Variants in ZNRF1 observed in about 807,000 individuals in gnomAD.
ZNRF1 encodes the protein E3 ubiquitin-protein ligase ZNRF1.
In ZNRF1, 3 loss-of-function variants were observed where a neutral mutation model predicts 18.4. That is an observed-to-expected ratio of 0.16 (90% CI 0.07 to 0.42). The LOEUF (loss-of-function observed/expected upper bound fraction) is 0.42, where lower values mean the gene tolerates loss of function less well. ZNRF1 is among the 10% of genes least tolerant of loss of function. The pLI is 0.99. For missense variants in ZNRF1, 310 were observed against 329.8 expected (o/e 0.94, Z 0.47); for synonymous variants, 157 against 144.2 (o/e 1.09, Z -0.64).
chr16:75,020,576 G>A (rs780646483), intron 1 of ZNRF1, among the ~76,000 whole-genome samples: 2 of 150,708 alleles, frequency 1.3e-5, no homozygotes, highest in African/African-American at 4.9e-5. Context: ...GAGTCTCGCT[G>A]TGTCACCCAG....
At chr16:75,088,380 A>G (rs1040997675) in intron 1 of ZNRF1, among the ~76,000 whole-genome samples, 2 of 152,188 alleles carry the variant, frequency 1.3e-5, no homozygotes, top group African/African-American at 2.4e-5. Flanking sequence ...GCATCTTACA[A>G]CCAGTGCTGT....
At chr16:75,049,960 C>T (rs1264155380) in intron 1 of ZNRF1, among the ~76,000 whole-genome samples, 1 of 152,044 alleles carries the variant, frequency 6.6e-6, no homozygotes, top group Admixed American at 6.6e-5. Context: ...ATCCCTAATG[C>T]TGCCCATTAT....
intron 1 of ZNRF1, among the ~76,000 whole-genome samples, chr16:75,003,496 C>A (rs1002062218): frequency 6.6e-6 from 1 of 152,136 alleles, no homozygotes; most frequent in Non-Finnish European, 1.5e-5. Context: ...TTCTCTCCCA[C>A]CCCCATTGTG....
chr16:75,052,340 G>A (rs927924221), intron 1 of ZNRF1, among the ~76,000 whole-genome samples: 1 of 151,596 alleles, frequency 6.6e-6, no homozygotes, highest in East Asian at 1.9e-4. Flanking sequence ...GGCAGAGGTT[G>A]CAGTGAGCCA....
intron 1 of ZNRF1, among the ~76,000 whole-genome samples, chr16:75,008,181 T>G (rs1024412379): frequency 7.2e-5 from 11 of 152,154 alleles, no homozygotes; most frequent in African/African-American, 2.7e-4. Context: ...TGCCTGGCCT[T>G]TATTTTCAGT....
chr16:75,049,257 G>C (rs895328315), intron 1 of ZNRF1, among the ~76,000 whole-genome samples: 1 of 151,964 alleles, frequency 6.6e-6, no homozygotes, highest in African/African-American at 2.4e-5. Flanking sequence ...TGCCCGCTTT[G>C]GCCCCCCAAA....
intron 1 of ZNRF1, among the ~76,000 whole-genome samples, chr16:75,049,778 T>C (rs2035567006): frequency 1.3e-5 from 2 of 152,076 alleles, no homozygotes; most frequent in African/African-American, 4.8e-5. Flanking sequence ...ATGAGGCAAT[T>C]GGCATGGGTG....
intron 1 of ZNRF1, among the ~76,000 whole-genome samples, chr16:75,063,571 A>G (rs2035767374): frequency 6.6e-6 from 1 of 152,238 alleles, no homozygotes; most frequent in South Asian, 2.1e-4. Flanking sequence ...ATTTTAGCCT[A>G]AAGACCTTGA....
At chr16:75,093,893 C>T (rs1416234537) in intron 2 of ZNRF1, among the ~76,000 whole-genome samples, 2 of 152,148 alleles carry the variant, frequency 1.3e-5, no homozygotes, top group African/African-American at 2.4e-5. Flanking sequence ...GGGTCAGGTC[C>T]GAGGTCTGGG....
At chr16:75,032,644 C>G (rs2035321238) in intron 1 of ZNRF1, among the ~76,000 whole-genome samples, 1 of 152,126 alleles carries the variant, frequency 6.6e-6, no homozygotes, top group South Asian at 2.1e-4. Flanking sequence ...TTTTGCAAAT[C>G]ATGTTCTGAT....
At chr16:75,101,687 T>C (rs2036257052) in intron 2 of ZNRF1, among the ~76,000 whole-genome samples, 1 of 152,246 alleles carries the variant, frequency 6.6e-6, no homozygotes, top group South Asian at 2.1e-4. Context: ...CCAGTATGCT[T>C]CCTTATCAGG....
intron 1 of ZNRF1, among the ~76,000 whole-genome samples, chr16:75,080,202 C>T (rs2035992697): frequency 6.6e-6 from 1 of 152,214 alleles, no homozygotes; most frequent in East Asian, 1.9e-4. Flanking sequence ...AGGCATGAGC[C>T]ACCGTGCCTG....
chr16:75,081,746 G>A (rs2036014742), intron 1 of ZNRF1, among the ~76,000 whole-genome samples: 1 of 152,218 alleles, frequency 6.6e-6, no homozygotes, highest in Non-Finnish European at 1.5e-5. Flanking sequence ...TGCCTAGCTT[G>A]TAGGTAATCC....
intron 1 of ZNRF1, among the ~76,000 whole-genome samples, chr16:75,000,936 T>A (rs1315252384): frequency 6.6e-6 from 1 of 152,200 alleles, no homozygotes; most frequent in East Asian, 1.9e-4. Context: ...ATGAATTCAT[T>A]TTATGAACTT....
chr16:75,106,821 C>T (rs2036321669), intron 4 of ZNRF1: 1 of 429,834 alleles, frequency 2.3e-6, no homozygotes, highest in Non-Finnish European at 4.3e-6. Flanking sequence ...GGGGAAGAGA[C>T]CAGTACAATC....
At chr16:75,037,597 C>G (rs1597872610) in intron 1 of ZNRF1, among the ~76,000 whole-genome samples, 1 of 152,158 alleles carries the variant, frequency 6.6e-6, no homozygotes, top group East Asian at 1.9e-4. Flanking sequence ...CTAGGCCTCC[C>G]AAAGTGCTGC....
chr16:75,041,672 C>G (rs1329597308), intron 1 of ZNRF1, among the ~76,000 whole-genome samples: 6 of 152,082 alleles, frequency 3.9e-5, no homozygotes, highest in Admixed American at 2.6e-4. Flanking sequence ...TAGTGATGAT[C>G]CCTTTTCATG....
Position 75,110,477 on chromosome 16 carries a change from T to C in ZNRF1, c.*2777T>C, listed in dbSNP as rs2036369681. 6.6e-6 allele frequency: 1 copy of C among 152,238 alleles called. No individual in the cohort carries two copies. Among genetic ancestry groups the C allele is most frequent in the Non-Finnish European group, 1.5e-5 (1 of 68,056 alleles). The allele number at this position is 152,238 out of a possible 1,614,324, so 9.4% of individuals were successfully genotyped here. Reference sequence around the variant, plus strand: ...AATAGCCATTTAACGGTACTGCAGTTCATGGGAAAATGTCCTCATTCTTAG... The same window carrying C: ...AATAGCCATTTAACGGTACTGCAGTCCATGGGAAAATGTCCTCATTCTTAG... On this transcript the variant is annotated 3_prime_UTR_variant, in exon 5 of 5. Coordinates refer to ENST00000335325, the MANE Select transcript of ZNRF1 (RefSeq NM_032268.5).
intron 1 of ZNRF1, among the ~76,000 whole-genome samples, chr16:75,061,762 GTA>G (rs1158090737): frequency 3.9e-5 from 6 of 152,236 alleles, no homozygotes; most frequent in Middle Eastern, 3.2e-3. Context: ...CTACACCACA[GTA>G]TGACTTTCAC....
Sources: gnomAD v4.1 joint callset for allele counts (sites outside exome capture counted in the v4.1 genomes callset) on GRCh38, gnomAD v4.1.1 for gene constraint, MANE v1.5 for transcripts, NCBI Gene and HGNC (gene_info 2026-07-23, HGNC 2026-07-21) for gene names.